WDR72: variants seen among roughly 807,000 people sequenced by gnomAD.
The protein encoded by WDR72 is WD repeat-containing protein 72.
WDR72 carries 120 observed loss-of-function variants against 124.2 expected under a neutral mutation model. The ratio of observed to expected loss-of-function variants is 0.97; its 90% confidence interval spans 0.83 to 1.12. The LOEUF is 1.12. Among genes scored for constraint, WDR72 ranks in the 50% most tolerant of loss-of-function variants. The pLI, the probability that WDR72 is intolerant of heterozygous loss-of-function variation, is 0.00. For synonymous variants in WDR72, 452 were observed against 441.7 expected (o/e 1.02, Z -0.29); for missense variants, 1,387 against 1,278.8 (o/e 1.08, Z -1.29).
rs774647605 is a variant in WDR72, at chr15:53,517,735, T to G, written c.3273A>C (p.Ser1091=). 1.2e-6 allele frequency: 2 copies of G among 1,612,938 alleles called. No homozygotes were observed. The highest frequency in any genetic ancestry group is 2.2e-5 in the South Asian group (2 of 91,064). The part of the protein sequence containing the change: ...SESPGEPRHH[S]WIAKVCPCKV... ...TGCAGGGGCAGACCTTTGCTATCCA[T>G]GAATGATGCCTTGGCTCACCTAGGA... Residue 1091 remains serine (S), a synonymous_variant, in exon 20 of 20, where the codon TCA becomes TCC. Coordinates refer to ENST00000360509, the MANE Select transcript of WDR72 (RefSeq NM_182758.4).
At chr15:53,622,171 T>C (rs1032145623) in intron 14 of WDR72, among the ~76,000 whole-genome samples, 1 of 152,140 alleles carries the variant, frequency 6.6e-6, no homozygotes, top group African/African-American at 2.4e-5. Context: ...TTTTACACTA[T>C]TGGTGGACAT....
intron 18 of WDR72, among the ~76,000 whole-genome samples, chr15:53,537,107 G>A (rs190197516): frequency 1.8e-4 from 27 of 152,226 alleles, no homozygotes; most frequent in South Asian, 4.2e-4. Context: ...GACTTATACT[G>A]AGCATGACAG....
intron 13 of WDR72, among the ~76,000 whole-genome samples, chr15:53,691,968 A>T (rs1469901086): frequency 6.6e-6 from 1 of 152,200 alleles, no homozygotes. Context: ...AGTTCTTCCT[A>T]TGTGGCAGGT....
intron 18 of WDR72, among the ~76,000 whole-genome samples, chr15:53,577,989 G>A (rs1023632430): frequency 6.6e-6 from 1 of 152,030 alleles, no homozygotes; most frequent in Non-Finnish European, 1.5e-5. Context: ...ATTTCAGTGG[G>A]TATCTGCTTT....
chr15:53,710,959 T>C lies in WDR72; in HGVS notation c.858-6A>G, dbSNP rs777670590. On this transcript the variant is annotated splice_region_variant and splice_polypyrimidine_tract_variant and intron_variant, in intron 8 of 19. Transcript: ENST00000360509. ...ATATGCTTTTTGAAAGCCCACTGCG[T>C]GGCAAAAATAAAAAGCAAAGTTTAG... is the stretch of plus-strand genomic sequence containing the variant. The C allele has an allele frequency of 3.1e-6, 5 of 1,612,072 alleles. No individual in the cohort carries two copies. The highest frequency in any genetic ancestry group is 4.2e-6 in the Non-Finnish European group (5 of 1,178,888).
chr15:53,553,677 C>T (rs1440775532), intron 18 of WDR72, among the ~76,000 whole-genome samples: 1 of 152,106 alleles, frequency 6.6e-6, no homozygotes, highest in Non-Finnish European at 1.5e-5. Flanking sequence ...TGAGAATTTT[C>T]TAAAAATGGG....
intron 13 of WDR72, among the ~76,000 whole-genome samples, chr15:53,673,395 A>G (rs1380555217): frequency 6.6e-6 from 1 of 152,214 alleles, no homozygotes; most frequent in East Asian, 1.9e-4. Context: ...ACTAAACAAC[A>G]TCACCCAGAT....
intron 14 of WDR72, among the ~76,000 whole-genome samples, chr15:53,633,540 C>T: frequency 6.6e-6 from 1 of 152,012 alleles, no homozygotes; most frequent in Non-Finnish European, 1.5e-5. Flanking sequence ...ATAAAATTAA[C>T]AAAACAATTC....
chr15:53,543,639 AAAATC>A (rs1230213803), intron 18 of WDR72, among the ~76,000 whole-genome samples: 1 of 151,734 alleles, frequency 6.6e-6, no homozygotes, highest in African/African-American at 2.4e-5. Flanking sequence ...AGAAATAACT[AAAATC>A]AGAGCAGAAC....
At chr15:53,608,539 G>A (rs967475660) in intron 17 of WDR72, among the ~76,000 whole-genome samples, 2 of 152,010 alleles carry the variant, frequency 1.3e-5, no homozygotes, top group African/African-American at 4.8e-5. Flanking sequence ...AGGATCGCTT[G>A]AGCCCAGGAA....
intron 13 of WDR72, among the ~76,000 whole-genome samples, chr15:53,666,783 T>A (rs927898706): frequency 6.6e-6 from 1 of 152,170 alleles, no homozygotes; most frequent in African/African-American, 2.4e-5. Context: ...GATAAAAACA[T>A]TGGTAGATAC....
intron 19 of WDR72, among the ~76,000 whole-genome samples, chr15:53,521,950 A>G (rs938431757): frequency 1.7e-4 from 26 of 152,014 alleles, no homozygotes; most frequent in Non-Finnish European, 5.9e-5. Flanking sequence ...TTTGGCTATT[A>G]TGGCAAGGGG....
chr15:53,681,963 GTATAATCC>G (rs2016403956), intron 13 of WDR72, among the ~76,000 whole-genome samples: 1 of 152,028 alleles, frequency 6.6e-6, no homozygotes, highest in Non-Finnish European at 1.5e-5. Context: ...TTTATATAAA[GTATAATCC>G]TGTAATAAAA....
At chr15:53,751,663 A>G (rs538994850) in intron 1 of WDR72, among the ~76,000 whole-genome samples, 1 of 152,076 alleles carries the variant, frequency 6.6e-6, no homozygotes, top group South Asian at 2.1e-4. Context: ...TTAAATCACA[A>G]ATCTTATACA....
intron 17 of WDR72, among the ~76,000 whole-genome samples, chr15:53,608,421 T>C (rs191753266): frequency 6.6e-6 from 1 of 152,276 alleles, no homozygotes. Flanking sequence ...CAGGCACAGA[T>C]ACACTAATAT....
At chr15:53,691,242 G>T (rs1229773601) in intron 13 of WDR72, among the ~76,000 whole-genome samples, 1 of 152,014 alleles carries the variant, frequency 6.6e-6, no homozygotes, top group East Asian at 1.9e-4. Context: ...ATAGAGATGG[G>T]ATCACACTAT....
chr15:53,671,059 G>A (rs1428028996), intron 13 of WDR72, among the ~76,000 whole-genome samples: 1 of 151,984 alleles, frequency 6.6e-6, no homozygotes, highest in Non-Finnish European at 1.5e-5. Context: ...ACCAGAATGG[G>A]GTCTGGCATA....
intron 18 of WDR72, among the ~76,000 whole-genome samples, chr15:53,539,734 A>AGAT (rs2140252426): frequency 6.6e-6 from 1 of 152,202 alleles, no homozygotes; most frequent in East Asian, 1.9e-4. Flanking sequence ...AAAATGAAAT[A>AGAT]GATGACATAG....
In WDR72 at chr15:53,705,209, G is replaced by A. The variant is rs1388317416; in HGVS notation, c.1127C>T (p.Thr376Ile). 6.2e-7 allele frequency: 1 copy of A among 1,613,674 alleles called. No individual in the cohort carries two copies. The highest frequency in any genetic ancestry group is 1.3e-5 in the African/African-American group (1 of 75,024). Residue 376 changes from threonine (T) to isoleucine (I), a missense_variant, in exon 11 of 20, where the codon ACT becomes ATT. Physicochemically the swap from Thr to Ile is moderately conservative, Grantham distance 89. Coordinates refer to ENST00000360509, the MANE Select transcript of WDR72 (RefSeq NM_182758.4). Reference sequence around the variant, plus strand: ...ATGCTTATCAAAATTATCTTGAAGAGTCCAGGTGGCAGTTACTGGTATCTC... The same window carrying A: ...ATGCTTATCAAAATTATCTTGAAGAATCCAGGTGGCAGTTACTGGTATCTC... Reference protein sequence around the residue: ...PREIPVTATWTLQDNFDKHDT... With the variant: ...PREIPVTATWILQDNFDKHDT...
Sources: gnomAD v4.1 joint callset for allele counts (sites outside exome capture counted in the v4.1 genomes callset) on GRCh38, gnomAD v4.1.1 for gene constraint, MANE v1.5 for transcripts, NCBI Gene and HGNC (gene_info 2026-07-23, HGNC 2026-07-21) for gene names.